GUCY1B1: variants seen among roughly 807,000 people sequenced by gnomAD.
GUCY1B1 encodes guanylate cyclase soluble subunit beta-1.
GUCY1B1 carries 43 observed loss-of-function variants against 71.0 expected under a neutral mutation model. The ratio of observed to expected loss-of-function variants is 0.61; its 90% CI spans 0.47 to 0.78. The LOEUF (loss-of-function observed/expected upper bound fraction) is 0.78. Among genes scored for constraint, GUCY1B1 ranks in the 30% least tolerant of loss-of-function variants. GUCY1B1 has a pLI of 0.00. For missense variants in GUCY1B1, 535 were observed against 754.1 expected, an observed-to-expected ratio of 0.71 and a Z score of 3.40; for synonymous variants, 266 against 259.7, an observed-to-expected ratio of 1.02 and a Z score of -0.23.
chr4:155,797,140 A>C lies in GUCY1B1; in HGVS notation c.977+630A>C, dbSNP rs571927385. On this transcript the variant is annotated intron_variant, in intron 8 of 13. Coordinates refer to ENST00000264424, the MANE Select transcript of GUCY1B1 (RefSeq NM_000857.5). ...ATACATGGGAATTCAGAAATATAAA[A>C]ATTATGTCTAAATTTGCTTCAGAAC... Among the ~76,000 whole-genome samples, 183 of 152,304 alleles carry C rather than the reference A, an allele frequency of 1.2e-3. 2 individuals carry two copies. The highest frequency in any genetic ancestry group is 2.3e-3 in the Non-Finnish European group (154 of 67,998).
Position 155,804,577 on chromosome 4 carries a change from G to C in GUCY1B1, c.1555-16G>C. 6.3e-7 allele frequency: 1 copy of C among 1,591,734 alleles called. No homozygotes were observed. The highest frequency in any genetic ancestry group is 8.6e-7 in the Non-Finnish European group (1 of 1,169,056). ...TAGTGATCAAAATGATTGAAGCAAA[G>C]CTTTCTTTTTTGCAGATAACAATAG... On this transcript the variant is annotated splice_polypyrimidine_tract_variant and intron_variant, in intron 11 of 13. Transcript: ENST00000264424.
rs762612329 is a variant in GUCY1B1, at chr4:155,802,260, T to C, written c.1176-82T>C. The stretch of plus-strand genomic sequence containing the variant: ...GCCTTTAAAGTACAAACGACACTGA[T>C]GCTGTGTGAAAAGGACAGCAGAAGC... On this transcript the variant is annotated intron_variant, in intron 9 of 13. Transcript: ENST00000264424. This position sits in a 1 kb window ranked among gnomAD's most constrained non-coding sequence, Gnocchi z 4.3. 1.9e-6 allele frequency: 3 copies of C among 1,582,352 alleles called. No individual in the cohort carries two copies. In the Admixed American group the frequency reaches 5.4e-5, roughly 29 times the overall value.
chr4:155,794,164 C>G, intron 6 of GUCY1B1, 78 bp downstream of exon 6: 1 of 752,628 alleles, frequency 1.3e-6, no homozygotes, highest in South Asian at 1.7e-5. Context: ...GCCATCCATT[C>G]ATTTAACCCT....
intron 11 of GUCY1B1, among the ~76,000 whole-genome samples, chr4:155,804,353 G>C (rs1640470566): frequency 6.6e-6 from 1 of 152,014 alleles, no homozygotes; most frequent in Admixed American, 6.6e-5. Context: ...CACACACCGG[G>C]ACCTGTTGGG....
chr4:155,771,076 T>C (rs981344551), intron 2 of GUCY1B1, among the ~76,000 whole-genome samples: 3 of 152,104 alleles, frequency 2.0e-5, no homozygotes, highest in Non-Finnish European at 4.4e-5. Context: ...ATCCAAATAT[T>C]TGTGGTAAAA....
chr4:155,773,788 C>T (rs1189328565), intron 2 of GUCY1B1, among the ~76,000 whole-genome samples: 4 of 152,122 alleles, frequency 2.6e-5, no homozygotes, highest in Non-Finnish European at 4.4e-5. Flanking sequence ...CACGGGTTCA[C>T]GCCATTCTCC....
intron 2 of GUCY1B1, among the ~76,000 whole-genome samples, chr4:155,765,602 G>T (rs34922326): frequency 0.045 from 6,880 of 152,182 alleles, 179 homozygotes; most frequent in South Asian, 0.068. Flanking sequence ...CTGTGGCTTT[G>T]GTTCTGTTGC....
chr4:155,793,419 TG>T (rs1412866699), intron 5 of GUCY1B1, among the ~76,000 whole-genome samples: 1 of 152,240 alleles, frequency 6.6e-6, no homozygotes, highest in African/African-American at 2.4e-5. Context: ...TGGTTAAAAA[TG>T]ACATTGCATT....
chr4:155,775,272 T>A (rs963328307), intron 3 of GUCY1B1, among the ~76,000 whole-genome samples: 1 of 152,152 alleles, frequency 6.6e-6, no homozygotes, highest in African/African-American at 2.4e-5. Context: ...CTTTAGAGAA[T>A]AGAAAAGAGT....
intron 8 of GUCY1B1, among the ~76,000 whole-genome samples, chr4:155,797,148 C>T (rs1215703468): frequency 6.6e-6 from 1 of 152,064 alleles, no homozygotes; most frequent in African/African-American, 2.4e-5. Context: ...AAAATTATGT[C>T]TAAATTTGCT....
At chr4:155,759,723 G>T (rs1736832060) in intron 1 of GUCY1B1, 64 bp from the exon 2 acceptor site, 3 of 1,206,332 alleles carry the variant, frequency 2.5e-6, no homozygotes, top group East Asian at 2.4e-5. Flanking sequence ...CAGCAGCCTC[G>T]CCCCCAAGCC....
chr4:155,772,812 T>C (rs760201323), intron 2 of GUCY1B1: 1 of 701,424 alleles, frequency 1.4e-6, no homozygotes, highest in Non-Finnish European at 2.6e-6. Context: ...CAGATCTCTG[T>C]GCTTACAGAA....
intron 2 of GUCY1B1, among the ~76,000 whole-genome samples, chr4:155,774,168 G>C (rs551966372): frequency 6.6e-6 from 1 of 152,276 alleles, no homozygotes; most frequent in East Asian, 1.9e-4. Context: ...GTAAATGGCA[G>C]TTATCCCAAC....
At chr4:155,778,957 G>T (rs1018607110) in intron 4 of GUCY1B1, among the ~76,000 whole-genome samples, 1 of 150,558 alleles carries the variant, frequency 6.6e-6, no homozygotes, top group Non-Finnish European at 1.5e-5. Flanking sequence ...GATTCAAGTG[G>T]TTTTATTAAT....
chr4:155,763,371 A>T (rs1264866830), intron 2 of GUCY1B1, among the ~76,000 whole-genome samples: 1 of 152,136 alleles, frequency 6.6e-6, no homozygotes, highest in African/African-American at 2.4e-5. Context: ...TCACTGAAAC[A>T]TACAAATTAG....
chr4:155,804,617 G>A lies in GUCY1B1; in HGVS notation c.1579G>A (p.Glu527Lys). The change falls in exon 12 of 14, where the codon GAG becomes AAG. Residue 527 changes from glutamate (E) to lysine (K), a missense_variant. By Grantham distance (56) the Glu-to-Lys change is moderately conservative. Transcript: ENST00000264424. ...VQITIGIHTG[E>K]VVTGVIGQRM... ...GATAACAATAGGGATACACACTGGA[G>A]AGGTAGTTACAGGTGTCATAGGACA... is the stretch of plus-strand genomic sequence containing the variant. 1 of 1,612,710 alleles carries A rather than the reference G, an allele frequency of 6.2e-7. No homozygotes were observed. Among genetic ancestry groups the A allele is most frequent in the Non-Finnish European group, 8.5e-7 (1 of 1,178,852 alleles).
At chr4:155,798,859 A>T (rs993012572) in intron 8 of GUCY1B1, among the ~76,000 whole-genome samples, 3 of 150,772 alleles carry the variant, frequency 2.0e-5, no homozygotes, top group Non-Finnish European at 4.4e-5. Context: ...GTTGTTTGAG[A>T]TGGAGTCTCG....
At position 155,777,546 on chromosome 4, in the gene GUCY1B1, C is replaced by G; in HGVS notation, c.201C>G (p.Leu67=). 3.1e-6 allele frequency: 5 copies of G among 1,600,370 alleles called. No individual in the cohort carries two copies. The highest frequency in any genetic ancestry group is 4.3e-6 in the Non-Finnish European group (5 of 1,167,630). Residue 67 remains leucine, a synonymous_variant, in exon 4 of 14, where the codon CTC becomes CTG. Coordinates refer to ENST00000264424, the MANE Select transcript of GUCY1B1 (RefSeq NM_000857.5). ...KVLNLNAGEI[L]QMFGKMFFVF... The stretch of plus-strand genomic sequence containing the variant: ...TAGATCTCAATGCTGGAGAAATCCT[C>G]CAAATGTTTGGGAAGATGTTTTTCG...
At position 155,796,451 on chromosome 4, in the gene GUCY1B1, C is replaced by A. The variant is rs370164801; in HGVS notation, c.918C>A (p.Leu306=). The A allele has an allele frequency of 1.3e-5, 21 of 1,611,452 alleles. No individual in the cohort carries two copies. In the East Asian group the frequency reaches 4.7e-4, roughly 36 times the overall value. The part of the protein sequence containing the change: ...LTGTEISCLR[L]KGQMIYLPEA... ...GGACTGAGATCAGCTGCTTACGTCT[C>A]AAGGGTCAAATGATCTACTTACCTG... Residue 306 remains leucine (L), a synonymous_variant, in exon 8 of 14, where the codon CTC becomes CTA. Coordinates refer to ENST00000264424, the MANE Select transcript of GUCY1B1 (RefSeq NM_000857.5).
Sources: allele counts gnomAD v4.1 joint callset (sites outside exome capture counted in the v4.1 genomes callset), GRCh38; gene constraint gnomAD v4.1.1; non-coding constraint Gnocchi (gnomAD v3.1); transcripts MANE v1.5; gene names NCBI Gene and HGNC (gene_info 2026-07-23, HGNC 2026-07-21).